UTRN: variants seen among roughly 807,000 people sequenced by gnomAD.
UTRN encodes the protein dystrophin-related protein 1.
Under a neutral mutation model 463.9 loss-of-function variants are expected in UTRN, and 283 were observed. That is an observed-to-expected ratio of 0.61 (90% CI 0.55 to 0.67). UTRN has a LOEUF of 0.67. UTRN is among the 30% of genes least tolerant of loss of function. The pLI is 0.00. For synonymous variants in UTRN, 1,442 were observed against 1,431.5 expected (o/e 1.01, Z -0.17); for missense variants, 3,922 against 4,084.3 (o/e 0.96, Z 1.08).
At chr6:144,616,011 G>T (rs1251845063) in intron 51 of UTRN, among the ~76,000 whole-genome samples, 1 of 151,946 alleles carries the variant, frequency 6.6e-6, no homozygotes, top group African/African-American at 2.4e-5. Context: ...TCTCTTCCTT[G>T]TACATACCAA....
At chr6:144,494,090 T>C (rs895750943) in intron 33 of UTRN, among the ~76,000 whole-genome samples, 1 of 152,248 alleles carries the variant, frequency 6.6e-6, no homozygotes, top group Non-Finnish European at 1.5e-5. Context: ...CTAAGGATAC[T>C]ACAAGTAATA....
chr6:144,716,802 A>T (rs146102775), intron 53 of UTRN, among the ~76,000 whole-genome samples: 3 of 152,138 alleles, frequency 2.0e-5, no homozygotes, highest in African/African-American at 7.2e-5. Flanking sequence ...TGTCATGCCT[A>T]TTTCTTCACA....
chr6:144,751,747 C>T (rs1791423808), intron 55 of UTRN, 59 bp from the exon 56 acceptor site: 1 of 1,473,618 alleles, frequency 6.8e-7, no homozygotes. Flanking sequence ...TAAGGATCAA[C>T]TGTATTAGCT....
At chr6:144,437,162 C>G (rs1786647319) in intron 10 of UTRN, among the ~76,000 whole-genome samples, 1 of 151,906 alleles carries the variant, frequency 6.6e-6, no homozygotes, top group African/African-American at 2.4e-5. Flanking sequence ...ACCTTGTTGT[C>G]CAGGCTGGTC....
intron 2 of UTRN, among the ~76,000 whole-genome samples, chr6:144,394,724 A>G (rs978400771): frequency 2.0e-5 from 3 of 152,070 alleles, no homozygotes; most frequent in Admixed American, 2.0e-4. Flanking sequence ...TGGATATTTT[A>G]TACATTTTTT....
chr6:144,639,842 G>A (rs768257591), intron 51 of UTRN, among the ~76,000 whole-genome samples: 4 of 152,182 alleles, frequency 2.6e-5, no homozygotes, highest in Non-Finnish European at 5.9e-5. Flanking sequence ...GCTTTGAAAT[G>A]CCAAAGCAGA....
chr6:144,441,263 T>C (rs1374075796), intron 13 of UTRN, among the ~76,000 whole-genome samples: 1 of 152,232 alleles, frequency 6.6e-6, no homozygotes, highest in Non-Finnish European at 1.5e-5. Context: ...CTTCCGCCTA[T>C]GAGCCTGCAA....
At chr6:144,769,387 G>A (rs1793753237) in intron 58 of UTRN, among the ~76,000 whole-genome samples, 1 of 152,080 alleles carries the variant, frequency 6.6e-6, no homozygotes, top group African/African-American at 2.4e-5. Context: ...TTTATTTTCT[G>A]TGTTGGCAGT....
At position 144,387,491 on chromosome 6, in the gene UTRN, G is replaced by A. The variant is rs960773096; in HGVS notation, c.80-15632G>A. 4.6e-5 allele frequency among the ~76,000 whole-genome samples: 7 copies of A among 152,128 alleles called. No individual in the cohort carries two copies. In the East Asian group the frequency reaches 1.3e-3, roughly 29 times the overall value. On this transcript the variant is annotated intron_variant, in intron 2 of 74. Transcript: ENST00000367545. ...TTGCCTTAAAATACTTGAATTTATT[G>A]CAAAAGGTGTATTTTAAATGATTCA... is the stretch of plus-strand genomic sequence containing the variant.
intron 12 of UTRN, 128 bp from the exon 13 acceptor site, chr6:144,440,224 G>C (rs1030985392): frequency 5.6e-6 from 5 of 898,784 alleles, no homozygotes; most frequent in Non-Finnish European, 8.7e-6. Context: ...AGAACAGTTA[G>C]GGTAATGATT....
rs1562833069 is a variant in UTRN, at chr6:144,732,277, T to TACATATATATATAC, written c.7939+1794_7939+1795insTATATATATACACA. 1.5e-3 allele frequency among the ~76,000 whole-genome samples: 131 copies of TACATATATATATAC among 88,764 alleles called. 2 individuals are homozygous for TACATATATATATAC. Among genetic ancestry groups the TACATATATATATAC allele is most frequent in the African/African-American group, 6.1e-3 (123 of 20,216 alleles). The allele number at this position is 88,764 out of a possible 152,430, so 58.2% of individuals were successfully genotyped here. Reference sequence around the variant, plus strand: ...ATATATACACACATATATATATATATACACACATATATATATATACACATA... The same window carrying TACATATATATATAC: ...ATATATACACACATATATATATATATACATATATATATACACACACATATATATATATACACATA... On this transcript the variant is annotated intron_variant, in intron 54 of 74. Coordinates refer to ENST00000367545, the MANE Select transcript of UTRN (RefSeq NM_007124.3).
intron 2 of UTRN, among the ~76,000 whole-genome samples, chr6:144,326,490 C>T (rs1222346563): frequency 6.6e-6 from 1 of 152,126 alleles, no homozygotes; most frequent in Non-Finnish European, 1.5e-5. Context: ...CAAGTTTCTC[C>T]TCTGATGTGA....
chr6:144,461,668 C>T (rs976579240), intron 22 of UTRN, among the ~76,000 whole-genome samples: 19 of 152,120 alleles, frequency 1.2e-4, no homozygotes, highest in Non-Finnish European at 1.3e-4. Context: ...TTTTCTGCAT[C>T]GAATAGGAAT....
chr6:144,516,359 A>C lies in UTRN; in HGVS notation c.5375A>C (p.His1792Pro), dbSNP rs780005094. The C allele has an allele frequency of 1.6e-5, 26 of 1,613,426 alleles. No individual in the cohort carries two copies. Among genetic ancestry groups the C allele is most frequent in the Middle Eastern group, 3.3e-4 (2 of 6,020 alleles). The change falls in exon 38 of 75, where the codon CAC becomes CCC. Residue 1792 changes from histidine (H) to proline (P), a missense_variant. Physicochemically the swap from His to Pro is moderately conservative, Grantham distance 77 (BLOSUM62 -2). Transcript: ENST00000367545. ...AATATGTTAAAATTTGTGGAAAAACACTTGGAATCCAGTGATGAAGATGAA... is the reference window on the plus strand; with the variant it reads ...AATATGTTAAAATTTGTGGAAAAACCCTTGGAATCCAGTGATGAAGATGAA... ...IENMLKFVEKHLESSDEDEKM... is the reference protein window; with the variant it reads ...IENMLKFVEKPLESSDEDEKM...
At chr6:144,452,200 TA>T (rs1788393172) in intron 18 of UTRN, among the ~76,000 whole-genome samples, 1 of 152,198 alleles carries the variant, frequency 6.6e-6, no homozygotes, top group African/African-American at 2.4e-5. Context: ...TTAGACAAAA[TA>T]AACGGTGTTT....
At chr6:144,714,530 G>A (rs1337308930) in intron 53 of UTRN, among the ~76,000 whole-genome samples, 1 of 152,168 alleles carries the variant, frequency 6.6e-6, no homozygotes, top group Non-Finnish European at 1.5e-5. Context: ...CAAGGTTTCT[G>A]CACTTGGCTT....
At chr6:144,327,084 G>T (rs903089213) in intron 2 of UTRN, among the ~76,000 whole-genome samples, 1 of 152,118 alleles carries the variant, frequency 6.6e-6, no homozygotes, top group African/African-American at 2.4e-5. Context: ...AGGGGGTTTT[G>T]TGAATATTCT....
chr6:144,679,821 G>A (rs1023098685), intron 52 of UTRN, among the ~76,000 whole-genome samples: 7 of 152,028 alleles, frequency 4.6e-5, no homozygotes, highest in African/African-American at 1.7e-4. Flanking sequence ...TTCTTCTGGA[G>A]CTCAGAGAGT....
At chr6:144,751,701 C>A in intron 55 of UTRN, 105 bp from the exon 56 acceptor site, 1 of 1,104,442 alleles carries the variant, frequency 9.1e-7, no homozygotes, top group Non-Finnish European at 1.2e-6. Context: ...AAAATCTGTG[C>A]ATATGTGAAC....
Sources: gnomAD v4.1 joint callset for allele counts (sites outside exome capture counted in the v4.1 genomes callset) on GRCh38, gnomAD v4.1.1 for gene constraint, MANE v1.5 for transcripts, NCBI Gene and HGNC (gene_info 2026-07-23, HGNC 2026-07-21) for gene names.